ATP8A2: variants seen among roughly 807,000 people sequenced by gnomAD.
ATP8A2 encodes phospholipid-transporting ATPase IB.
A neutral mutation model predicts 165.6 loss-of-function variants in ATP8A2; 100 were observed. The observed-to-expected ratio is 0.60, with a 90% CI of 0.51 to 0.71. ATP8A2 has a LOEUF of 0.71. Among genes scored for constraint, ATP8A2 ranks in the 30% least tolerant of loss-of-function variants. The probability of loss-of-function intolerance (pLI) is 0.00; values close to 1 mark genes in which losing one functional copy is unlikely to be tolerated. For missense variants in ATP8A2, 1,227 were observed against 1,479.5 expected (o/e 0.83, Z 2.80); for synonymous variants, 543 against 548.8 (o/e 0.99, Z 0.15).
chr13:25,878,155 G>A (rs1363813141), intron 33 of ATP8A2, among the ~76,000 whole-genome samples: 1 of 152,146 alleles, frequency 6.6e-6, no homozygotes, highest in African/African-American at 2.4e-5. Flanking sequence ...AGTGTCTAAG[G>A]AATGGAAGAC....
At chr13:25,853,184 T>G (rs1952052416) in intron 30 of ATP8A2, among the ~76,000 whole-genome samples, 1 of 151,556 alleles carries the variant, frequency 6.6e-6, no homozygotes, top group Non-Finnish European at 1.5e-5. Context: ...AGGTCAGGAG[T>G]TCGAGACCAG....
intron 19 of ATP8A2, among the ~76,000 whole-genome samples, chr13:25,575,382 T>C (rs934851737): frequency 6.6e-6 from 1 of 152,216 alleles, no homozygotes; most frequent in Admixed American, 6.5e-5. Flanking sequence ...GACCCAGGAA[T>C]ATTTGTTGGA....
intron 24 of ATP8A2, among the ~76,000 whole-genome samples, chr13:25,658,604 A>C (rs1033912789): frequency 5.3e-5 from 8 of 152,166 alleles, no homozygotes; most frequent in Admixed American, 1.3e-4. Context: ...GCACCATTGC[A>C]CTCCAGCCTG....
chr13:25,647,945 T>C (rs2041717609), intron 24 of ATP8A2, among the ~76,000 whole-genome samples: 1 of 152,132 alleles, frequency 6.6e-6, no homozygotes, highest in Non-Finnish European at 1.5e-5. Flanking sequence ...TACCTTGGCC[T>C]CCCAAAGTGC....
intron 35 of ATP8A2, among the ~76,000 whole-genome samples, chr13:26,000,765 T>C (rs938147310): frequency 6.7e-6 from 1 of 149,154 alleles, no homozygotes; most frequent in Non-Finnish European, 1.5e-5. Context: ...AAAAATAAAC[T>C]GTAAAAATGG....
At chr13:25,396,032 G>T (rs1566102212) in intron 1 of ATP8A2, among the ~76,000 whole-genome samples, 1 of 152,004 alleles carries the variant, frequency 6.6e-6, no homozygotes, top group Non-Finnish European at 1.5e-5. Context: ...TTAGTAAAGA[G>T]GGGGTTTCAC....
Position 25,553,929 on chromosome 13 carries a change from T to TA in ATP8A2, c.1185+12dup, listed in dbSNP as rs1363723314. The TA allele has an allele frequency of 5.6e-6, 9 of 1,607,978 alleles. No homozygotes were observed. In the Admixed American group the frequency reaches 1.5e-4, roughly 27 times the overall value. ...CCCTTTTCATAAACTGGGTGAGTAT[T>TA]AAAGCAGAGTTGAATCACTATTTTC... On this transcript the variant is annotated intron_variant, in intron 12 of 36. Coordinates refer to ENST00000381655, the MANE Select transcript of ATP8A2 (RefSeq NM_016529.6).
chr13:25,713,857 A>G (rs979400737), intron 25 of ATP8A2, among the ~76,000 whole-genome samples: 1 of 152,038 alleles, frequency 6.6e-6, no homozygotes. Context: ...GCCCAGCACA[A>G]CCCCTGCCTC....
intron 13 of ATP8A2, among the ~76,000 whole-genome samples, chr13:25,555,437 A>T (rs1373825797): frequency 1.3e-5 from 2 of 152,162 alleles, no homozygotes; most frequent in East Asian, 3.8e-4. Context: ...GTGGGGGCCA[A>T]TTTAAAGGAC....
intron 24 of ATP8A2, among the ~76,000 whole-genome samples, chr13:25,686,006 G>T (rs1177107279): frequency 6.6e-6 from 1 of 152,138 alleles, no homozygotes; most frequent in African/African-American, 2.4e-5. Context: ...AATATATGGG[G>T]TATGACAGAA....
In ATP8A2 at chr13:25,558,919, G is replaced by A; in HGVS notation, c.1264-54G>A. 3 of 1,245,326 alleles carry A rather than the reference G, an allele frequency of 2.4e-6. No individual in the cohort carries two copies. The South Asian group carries it at 4.0e-5, about 17-fold the overall frequency. 77.1% of individuals were successfully genotyped at this position (1,245,326 alleles called of 1,614,324 possible). On this transcript the variant is annotated intron_variant, in intron 13 of 36. Transcript: ENST00000381655. ...TATAGAAGGAAAGACTTCATTTGTT[G>A]ATCTTTGCATCTCAATACTTCCTGA...
chr13:25,944,022 A>T (rs534909069), intron 33 of ATP8A2, among the ~76,000 whole-genome samples: 2 of 152,382 alleles, frequency 1.3e-5, no homozygotes, highest in South Asian at 4.1e-4. Context: ...GGTCAGAAAT[A>T]TAGTAAAATA....
chr13:25,763,383 C>T (rs1346074310), intron 25 of ATP8A2, among the ~76,000 whole-genome samples: 2 of 152,200 alleles, frequency 1.3e-5, no homozygotes, highest in African/African-American at 2.4e-5. Flanking sequence ...CACTCTCTTG[C>T]AGCTTCCTCA....
intron 28 of ATP8A2, among the ~76,000 whole-genome samples, chr13:25,836,257 C>T (rs904423358): frequency 1.3e-5 from 2 of 152,118 alleles, no homozygotes; most frequent in Non-Finnish European, 2.9e-5. Context: ...GCTCTTAGCA[C>T]AAGTAACTCC....
At chr13:25,937,362 C>CTTTTTTTTTTTTT (rs1555293658) in intron 33 of ATP8A2, among the ~76,000 whole-genome samples, 2 of 38,798 alleles carry the variant, frequency 5.2e-5, no homozygotes, top group African/African-American at 6.8e-5. Context: ...TTCTTTCTTT[C>CTTTTTTTTTTTTT]TTTTTTTTTT....
At chr13:25,892,478 G>GTCTCTCTGTCTCTCTCTCTCTCTCTC (rs1555286135) in intron 33 of ATP8A2, among the ~76,000 whole-genome samples, 25 of 136,244 alleles carry the variant, frequency 1.8e-4, no homozygotes, top group South Asian at 1.8e-3. Flanking sequence ...CTGTCTCTCT[G>GTCTCTCTGTCTCTCTCTCTCTCTCTC]TCTCTCTCTC....
chr13:25,820,470 T>G (rs1438158848), intron 27 of ATP8A2, among the ~76,000 whole-genome samples: 1 of 152,166 alleles, frequency 6.6e-6, no homozygotes, highest in Non-Finnish European at 1.5e-5. Flanking sequence ...AGAGGAATCC[T>G]TTTCCCATTA....
At chr13:25,933,187 C>T (rs373958324) in intron 33 of ATP8A2, among the ~76,000 whole-genome samples, 2 of 152,318 alleles carry the variant, frequency 1.3e-5, no homozygotes, top group East Asian at 3.9e-4. Flanking sequence ...CTTCTGTTTC[C>T]TCAGCTGCTT....
At position 25,984,344 on chromosome 13, in the gene ATP8A2, C is replaced by G. The variant is rs140961016; in HGVS notation, c.3377+15665C>G. On this transcript the variant is annotated intron_variant, in intron 35 of 36. Transcript: ENST00000381655. ...TGGAGCTGGGCCCAGTGGCTCATGC[C>G]TGTAATTCCAGCACTTTGGGAGATG... Among the ~76,000 whole-genome samples, 985 of 152,130 alleles carry G rather than the reference C, an allele frequency of 6.5e-3. 5 individuals are homozygous for G. The highest frequency in any genetic ancestry group is 0.027 in the Middle Eastern group (8 of 294).
Sources: allele counts gnomAD v4.1 joint callset (sites outside exome capture counted in the v4.1 genomes callset), GRCh38; gene constraint gnomAD v4.1.1; transcripts MANE v1.5; gene names NCBI Gene and HGNC (gene_info 2026-07-23, HGNC 2026-07-21).